Variants in RBFOX1 observed in about 807,000 individuals in gnomAD.
RBFOX1 encodes RNA binding fox-1 homolog 1.
Under a neutral mutation model 57.7 loss-of-function variants are expected in RBFOX1, and 8 were observed. The ratio of observed to expected loss-of-function variants is 0.14; its 90% CI spans 0.08 to 0.25. The LOEUF is 0.25. Ranked by LOEUF, RBFOX1 falls within the 10% of genes least tolerant of loss-of-function variation. RBFOX1 has a pLI of 1.00. For synonymous variants in RBFOX1, 326 were observed against 222.4 expected, an observed-to-expected ratio of 1.47 and a Z score of -4.15; for missense variants, 611 against 548.5, an observed-to-expected ratio of 1.11 and a Z score of -1.14.
At chr16:6,958,392 AT>A (rs750551945) in intron 3 of RBFOX1, among the ~76,000 whole-genome samples, 10 of 152,098 alleles carry the variant, frequency 6.6e-5, no homozygotes, top group Admixed American at 6.5e-5. Flanking sequence ...GAGTCAGCAT[AT>A]TTCCCCCCCT....
chr16:6,879,824 G>A (rs1286882142), intron 3 of RBFOX1, among the ~76,000 whole-genome samples: 1 of 152,140 alleles, frequency 6.6e-6, no homozygotes, highest in Non-Finnish European at 1.5e-5. Context: ...TATTTATGAT[G>A]TTAAATTTAC....
rs145524125 is a variant in RBFOX1 at position 7,686,012 on chromosome 16, C to A, written c.995+9174C>A. Among the ~76,000 whole-genome samples the A allele has an allele frequency of 6.8e-3, 1,030 of 152,110 alleles. 9 individuals are homozygous for A. Among genetic ancestry groups the A allele is most frequent in the Middle Eastern group, 0.014 (4 of 294 alleles). On this transcript the variant is annotated intron_variant, in intron 14 of 15. Transcript: ENST00000550418. ...CAACATTGAGCTAGTTGACCCTCAACTGCCTCATCTATAAAGTGGGATTAA... is the reference window on the plus strand; with the variant it reads ...CAACATTGAGCTAGTTGACCCTCAAATGCCTCATCTATAAAGTGGGATTAA...
intron 2 of RBFOX1, among the ~76,000 whole-genome samples, chr16:5,548,022 G>T (rs370790997): frequency 6.6e-6 from 1 of 151,560 alleles, no homozygotes; most frequent in Non-Finnish European, 1.5e-5. Flanking sequence ...TTAACCGGGC[G>T]TGGTGGCTTG....
chr16:6,096,855 G>A (rs1193467772), intron 1 of RBFOX1, among the ~76,000 whole-genome samples: 1 of 152,182 alleles, frequency 6.6e-6, no homozygotes, highest in East Asian at 1.9e-4. Context: ...AGCCTCCGCT[G>A]GGAAGGAGTT....
intron 1 of RBFOX1, among the ~76,000 whole-genome samples, chr16:6,178,139 A>T (rs979627919): frequency 2.0e-5 from 3 of 147,420 alleles, no homozygotes; most frequent in Admixed American, 1.4e-4. Context: ...ACACCTGGGG[A>T]CCAGCCTGTG....
chr16:6,231,239 GGT>G (rs1555566197), intron 1 of RBFOX1, among the ~76,000 whole-genome samples: 2,217 of 149,250 alleles, frequency 0.015, 42 homozygotes, highest in African/African-American at 0.048. Context: ...TGTGTGTGTA[GGT>G]GTGTGTGTGT....
At chr16:5,358,268 G>A (rs1338069162) in intron 1 of RBFOX1, among the ~76,000 whole-genome samples, 1 of 146,614 alleles carries the variant, frequency 6.8e-6, no homozygotes, top group African/African-American at 2.8e-5. Context: ...TTTTTATAAG[G>A]ACATAGTTTT....
chr16:6,698,812 C>G (rs928253740), intron 3 of RBFOX1, among the ~76,000 whole-genome samples: 3 of 152,120 alleles, frequency 2.0e-5, no homozygotes, highest in African/African-American at 4.8e-5. Flanking sequence ...AAATGTGAAT[C>G]CCTTATAGTG....
chr16:5,679,426 G>T (rs367644726), intron 3 of RBFOX1, among the ~76,000 whole-genome samples: 2 of 151,718 alleles, frequency 1.3e-5, no homozygotes, highest in African/African-American at 4.9e-5. Context: ...ATGGTGGTTT[G>T]CTGCACCTAT....
intron 3 of RBFOX1, among the ~76,000 whole-genome samples, chr16:6,719,372 A>T (rs1183693420): frequency 6.6e-6 from 1 of 152,192 alleles, no homozygotes; most frequent in Non-Finnish European, 1.5e-5. Flanking sequence ...ATTATCAGGG[A>T]ATAAATTTAA....
In RBFOX1 at chr16:6,770,821, T is replaced by A. The variant is rs139171482; in HGVS notation, c.-16+116171T>A. Among the ~76,000 whole-genome samples the A allele has an allele frequency of 2.2e-3, 340 of 152,250 alleles. 3 individuals are homozygous for A. The highest frequency in any genetic ancestry group is 8.0e-3 in the African/African-American group (333 of 41,552). On this transcript the variant is annotated intron_variant, in intron 3 of 15. Transcript: ENST00000550418. ...TATATGACAGGGAGGAAATGAGCAA[T>A]GGAGAGAGCCCATTTCTAAATAGTA... is the stretch of plus-strand genomic sequence containing the variant.
At chr16:6,997,448 C>A (rs1336079017) in intron 3 of RBFOX1, among the ~76,000 whole-genome samples, 3 of 152,246 alleles carry the variant, frequency 2.0e-5, no homozygotes, top group African/African-American at 7.2e-5. Context: ...TATCCACGAG[C>A]ATTGCACCAG....
intron 4 of RBFOX1, among the ~76,000 whole-genome samples, chr16:7,384,816 A>C (rs889511276): frequency 6.6e-6 from 1 of 152,240 alleles, no homozygotes; most frequent in Non-Finnish European, 1.5e-5. Context: ...AGTGTGAACA[A>C]AATGCTGCTG....
chr16:6,750,358 T>C (rs1413804833), intron 3 of RBFOX1, among the ~76,000 whole-genome samples: 1 of 152,222 alleles, frequency 6.6e-6, no homozygotes, highest in Non-Finnish European at 1.5e-5. Context: ...TGCCTTATTA[T>C]GGTATTTAGG....
intron 3 of RBFOX1, among the ~76,000 whole-genome samples, chr16:7,033,399 A>T (rs2043324366): frequency 6.6e-6 from 1 of 152,212 alleles, no homozygotes; most frequent in Non-Finnish European, 1.5e-5. Context: ...ACATGCCTGT[A>T]ATCCCAGCTA....
intron 1 of RBFOX1, among the ~76,000 whole-genome samples, chr16:5,426,965 G>C (rs1026276465): frequency 6.6e-6 from 1 of 152,146 alleles, no homozygotes; most frequent in Admixed American, 6.5e-5. Context: ...GTAAAGGCAG[G>C]GTTCAAATTC....
chr16:5,789,799 C>G (rs2054627424), intron 3 of RBFOX1, among the ~76,000 whole-genome samples: 1 of 152,184 alleles, frequency 6.6e-6, no homozygotes, highest in Non-Finnish European at 1.5e-5. Flanking sequence ...CTCAAGATGT[C>G]TCCTTCTAAC....
intron 3 of RBFOX1, among the ~76,000 whole-genome samples, chr16:5,672,857 GTGTGTGTGT>G (rs1567377806): frequency 2.6e-3 from 18 of 6,918 alleles, no homozygotes; most frequent in Non-Finnish European, 0.022. Context: ...CACCGTAGGT[GTGTGTGTGT>G]GTGTGTGTGT....
intron 3 of RBFOX1, among the ~76,000 whole-genome samples, chr16:6,944,366 G>A (rs1268084615): frequency 1.4e-5 from 2 of 142,938 alleles, no homozygotes; most frequent in South Asian, 2.2e-4. Context: ...TTGTACTCCA[G>A]CCTGGCAACA....
Sources: allele counts gnomAD v4.1 joint callset (sites outside exome capture counted in the v4.1 genomes callset), GRCh38; gene constraint gnomAD v4.1.1; transcripts MANE v1.5; gene names NCBI Gene and HGNC (gene_info 2026-07-23, HGNC 2026-07-21).